The following LYRM4 variants were observed in gnomAD, a reference collection of about 807,000 sequenced individuals.
The protein encoded by LYRM4 is LYR motif containing 4, also known as LYR motif-containing protein 4.
In LYRM4, 9 loss-of-function variants were observed where a neutral mutation model predicts 11.7. That is an observed-to-expected ratio of 0.77 (90% CI 0.46 to 1.34). LYRM4 has a LOEUF of 1.34. LYRM4 is among the 40% of genes most tolerant of loss of function. The pLI is 0.00. For synonymous variants in LYRM4, 42 were observed against 40.4 expected, an observed-to-expected ratio of 1.04 and a Z score of -0.15; for missense variants, 133 against 112.5, an observed-to-expected ratio of 1.18 and a Z score of -0.82.
chr6:5,230,896 G>T (rs1763198792), intron 1 of LYRM4, among the ~76,000 whole-genome samples: 1 of 152,138 alleles, frequency 6.6e-6, no homozygotes, highest in African/African-American at 2.4e-5. Context: ...GCACAAAAAT[G>T]CAGAACAATT....
chr6:5,199,678 T>G (rs1238555973), intron 2 of LYRM4, among the ~76,000 whole-genome samples: 1 of 152,226 alleles, frequency 6.6e-6, no homozygotes. Context: ...ATCTCAATTT[T>G]TCTCAAATTG....
At chr6:5,187,592 C>T (rs138411013) in intron 2 of LYRM4, among the ~76,000 whole-genome samples, 2,139 of 147,036 alleles carry the variant, frequency 0.015, 10 homozygotes, top group Non-Finnish European at 0.02. Flanking sequence ...CATCACACCC[C>T]GGGGCCTGTC....
At chr6:5,066,900 G>T in the LYRM4 span, 2 of 1,160,470 alleles carry the variant, frequency 1.7e-6, no homozygotes, top group Non-Finnish European at 1.2e-6. Context: ...CGCCGCTCCA[G>T]ACCCTAAAAT....
At chr6:5,251,067 G>A (rs1764407108) in intron 1 of LYRM4, among the ~76,000 whole-genome samples, 1 of 152,240 alleles carries the variant, frequency 6.6e-6, no homozygotes, top group Middle Eastern at 3.4e-3. Flanking sequence ...TTCTTGAGCC[G>A]TCCTTATATG....
At chr6:5,179,065 CAAAAAAAAAAAAA>C (rs58749743) in intron 2 of LYRM4, among the ~76,000 whole-genome samples, 2 of 103,902 alleles carry the variant, frequency 1.9e-5, no homozygotes, top group Non-Finnish European at 3.9e-5. Flanking sequence ...ACCAAAAAAA[CAAAAAAAAAAAAA>C]AAAAAAAAAA....
the LYRM4 span, among the ~76,000 whole-genome samples, chr6:5,071,361 C>A: frequency 1.3e-5 from 2 of 152,002 alleles, no homozygotes; most frequent in Non-Finnish European, 2.9e-5. Flanking sequence ...TTAAACCACA[C>A]TAAATTAAAC....
chr6:5,209,355 C>A (rs367918476), intron 2 of LYRM4, among the ~76,000 whole-genome samples: 1 of 152,160 alleles, frequency 6.6e-6, no homozygotes, highest in Non-Finnish European at 1.5e-5. Flanking sequence ...CCTTGGCCCC[C>A]CAAAGTGCTG....
chr6:5,237,348 G>C (rs778996441), intron 1 of LYRM4, among the ~76,000 whole-genome samples: 4 of 151,812 alleles, frequency 2.6e-5, no homozygotes, highest in African/African-American at 9.7e-5. Context: ...CTCCCTATGA[G>C]AATCTAACGC....
intron 1 of LYRM4, among the ~76,000 whole-genome samples, chr6:5,229,003 C>CAA (rs70974180): frequency 0.016 from 581 of 36,416 alleles, 11 homozygotes; most frequent in Middle Eastern, 0.043. Flanking sequence ...GGCTCAGTCT[C>CAA]AAAAAAAAAA....
At chr6:5,172,463 C>G (rs531985482) in intron 2 of LYRM4, among the ~76,000 whole-genome samples, 1 of 152,136 alleles carries the variant, frequency 6.6e-6, no homozygotes, top group East Asian at 1.9e-4. Context: ...TTGATGCTAG[C>G]GTCACTAAGC....
At chr6:5,199,278 C>T (rs1047555620) in intron 2 of LYRM4, among the ~76,000 whole-genome samples, 1 of 152,110 alleles carries the variant, frequency 6.6e-6, no homozygotes, top group South Asian at 2.1e-4. Flanking sequence ...GCAAACATTA[C>T]GCTAAGTGAA....
chr6:5,060,182 G>A, the LYRM4 span, among the ~76,000 whole-genome samples: 4 of 152,226 alleles, frequency 2.6e-5, no homozygotes, highest in Admixed American at 1.3e-4. Flanking sequence ...TCAAGTTCTA[G>A]AAGCAGAGTT....
chr6:5,154,774 G>A (rs541191093), intron 2 of LYRM4, among the ~76,000 whole-genome samples: 111 of 152,146 alleles, frequency 7.3e-4, no homozygotes, highest in African/African-American at 2.5e-3. Flanking sequence ...AGCCGGGATC[G>A]CGCCACTGCA....
the LYRM4 span, among the ~76,000 whole-genome samples, chr6:5,094,326 T>A: frequency 1.3e-5 from 2 of 152,082 alleles, no homozygotes; most frequent in East Asian, 1.9e-4. Context: ...TATAAAAAAA[T>A]TTTAAAAATT....
intron 2 of LYRM4, among the ~76,000 whole-genome samples, chr6:5,127,778 C>T (rs1234088366): frequency 2.6e-5 from 4 of 152,124 alleles, no homozygotes; most frequent in South Asian, 2.1e-4. Flanking sequence ...TTATAGCTTA[C>T]GTGATTTTTC....
At chr6:5,256,596 A>T (rs1297564129) in intron 1 of LYRM4, among the ~76,000 whole-genome samples, 1 of 149,018 alleles carries the variant, frequency 6.7e-6, no homozygotes, top group Non-Finnish European at 1.5e-5. Context: ...ATCAATTATG[A>T]CTCTCATTTT....
At chr6:5,110,612 G>C (rs1253938904) in intron 2 of LYRM4, among the ~76,000 whole-genome samples, 2 of 152,190 alleles carry the variant, frequency 1.3e-5, no homozygotes, top group Non-Finnish European at 1.5e-5. Flanking sequence ...CATCTAAGAA[G>C]AACGAGAAGT....
the LYRM4 span, among the ~76,000 whole-genome samples, chr6:5,051,486 T>C: frequency 6.6e-6 from 1 of 152,122 alleles, no homozygotes; most frequent in Non-Finnish European, 1.5e-5. Context: ...ATCAGAAACC[T>C]TGGAGAGGCC....
At chr6:5,084,378 G>A in the LYRM4 span, among the ~76,000 whole-genome samples, 1 of 152,148 alleles carries the variant, frequency 6.6e-6, no homozygotes. Context: ...TCCGGCGCGG[G>A]CCACGCCCCC....
Sources: allele counts gnomAD v4.1 joint callset (sites outside exome capture counted in the v4.1 genomes callset), GRCh38; gene constraint gnomAD v4.1.1; transcripts MANE v1.5; gene names NCBI Gene and HGNC (gene_info 2026-07-23, HGNC 2026-07-21).